SUSD5: variants seen among roughly 807,000 people sequenced by gnomAD.
The protein encoded by SUSD5 is sushi domain-containing protein 5.
In SUSD5, 33 loss-of-function variants were observed where a neutral mutation model predicts 29.5. That is an observed-to-expected ratio of 1.12 (90% CI 0.85 to 1.49). SUSD5 has a LOEUF of 1.49. Ranked by LOEUF, SUSD5 falls within the 40% of genes most tolerant of loss-of-function variation. SUSD5 has a pLI of 0.00. For synonymous variants in SUSD5, 308 were observed against 325.3 expected, an observed-to-expected ratio of 0.95 and a Z score of 0.57; for missense variants, 776 against 800.6, an observed-to-expected ratio of 0.97 and a Z score of 0.37.
intron 3 of SUSD5, among the ~76,000 whole-genome samples, chr3:33,196,159 T>C (rs2031992086): frequency 6.6e-6 from 1 of 152,146 alleles, no homozygotes; most frequent in Admixed American, 6.5e-5. Flanking sequence ...GAATACCCAT[T>C]GTCCTTAAAC....
At chr3:33,177,342 A>T (rs2031573521) in intron 3 of SUSD5, among the ~76,000 whole-genome samples, 1 of 152,220 alleles carries the variant, frequency 6.6e-6, no homozygotes, top group Admixed American at 6.5e-5. Context: ...CAATCCATGA[A>T]CATAGACTAT....
At position 33,204,467 on chromosome 3, in the gene SUSD5, C is replaced by G. The variant is rs1346990206; in HGVS notation, c.409+3341G>C. On this transcript the variant is annotated intron_variant, in intron 3 of 4. Coordinates refer to ENST00000309558, the MANE Select transcript of SUSD5 (RefSeq NM_015551.2). The surrounding 1 kb of genome is among the most constrained non-coding windows in gnomAD (Gnocchi z 4.5). The stretch of plus-strand genomic sequence containing the variant: ...TCCCGAGCAGCTGGGACGACAGGTG[C>G]CCACTACCACACCCGGCTAATTTTT... Among the ~76,000 whole-genome samples, 1 of 151,648 alleles carries G rather than the reference C, an allele frequency of 6.6e-6. No individual in the cohort carries two copies. The highest frequency in any genetic ancestry group is 1.5e-5 in the Non-Finnish European group (1 of 67,930).
intron 3 of SUSD5, among the ~76,000 whole-genome samples, chr3:33,207,036 G>A (rs567588260): frequency 5.1e-4 from 78 of 151,964 alleles, no homozygotes; most frequent in Non-Finnish European, 6.6e-4. Context: ...ACAACCGTAT[G>A]TGTTTCTGAT....
chr3:33,200,200 A>G (rs752578263), intron 3 of SUSD5, among the ~76,000 whole-genome samples: 3 of 152,220 alleles, frequency 2.0e-5, no homozygotes, highest in Admixed American at 1.3e-4. Flanking sequence ...GAAGACAGTT[A>G]TCTGTGAATT....
At chr3:33,190,165 T>C (rs2031862787) in intron 3 of SUSD5, 1 of 153,206 alleles carries the variant, frequency 6.5e-6, no homozygotes, top group Non-Finnish European at 1.5e-5. Context: ...ATTCATTAAA[T>C]TATGGTACAC....
At chr3:33,179,454 C>T (rs1388124332) in intron 3 of SUSD5, among the ~76,000 whole-genome samples, 1 of 152,008 alleles carries the variant, frequency 6.6e-6, no homozygotes, top group Non-Finnish European at 1.5e-5. Flanking sequence ...AAGGGGGAAA[C>T]CCAGCAAGGT....
intron 4 of SUSD5, among the ~76,000 whole-genome samples, chr3:33,168,977 C>T (rs1353791191): frequency 6.6e-6 from 1 of 151,976 alleles, no homozygotes; most frequent in Non-Finnish European, 1.5e-5. Flanking sequence ...AACCCCGGCT[C>T]TGCTTCTTTC....
At position 33,153,336 on chromosome 3, in the gene SUSD5, G is replaced by C. The variant is rs752085727; in HGVS notation, c.1296C>G (p.Thr432=). 1.9e-6 allele frequency: 3 copies of C among 1,613,876 alleles called. No homozygotes were observed. The highest frequency in any genetic ancestry group is 2.5e-6 in the Non-Finnish European group (3 of 1,179,850). ...TTTGAGATGGAAGAACTGAACTATG[G>C]GTCATGCCCTCGCTTGGTGTGAGGG... is the stretch of plus-strand genomic sequence containing the variant. ...SSTLTPSEGM[T]HSSVLPSQML... Residue 432 remains threonine, a synonymous_variant, in exon 5 of 5, where the codon ACC becomes ACG. Coordinates refer to ENST00000309558, the MANE Select transcript of SUSD5 (RefSeq NM_015551.2).
chr3:33,157,982 C>T (rs2031091744), intron 4 of SUSD5, among the ~76,000 whole-genome samples: 1 of 148,762 alleles, frequency 6.7e-6, no homozygotes. Context: ...CAATGAGCTG[C>T]TTGGGGAGCA....
intron 3 of SUSD5, among the ~76,000 whole-genome samples, chr3:33,175,932 A>G (rs529120973): frequency 2.0e-5 from 3 of 152,310 alleles, no homozygotes; most frequent in Non-Finnish European, 4.4e-5. Flanking sequence ...ATGCACAGTG[A>G]CACATATCTA....
intron 4 of SUSD5, among the ~76,000 whole-genome samples, chr3:33,168,063 C>T (rs922271485): frequency 6.6e-6 from 1 of 152,218 alleles, no homozygotes; most frequent in African/African-American, 2.4e-5. Flanking sequence ...CACAGAAAGT[C>T]ATACGTCAGG....
chr3:33,195,744 G>GAAA (rs372643596), intron 3 of SUSD5, among the ~76,000 whole-genome samples: 2,160 of 139,410 alleles, frequency 0.015, 42 homozygotes, highest in South Asian at 0.072. Flanking sequence ...CCATATAAAT[G>GAAA]AAAAAAAAAA....
chr3:33,175,174 C>T (rs1222113317), intron 3 of SUSD5, 100 bp from the exon 4 acceptor site: 10 of 1,291,700 alleles, frequency 7.7e-6, no homozygotes, highest in African/African-American at 2.9e-5. Flanking sequence ...TGCCGCCCAC[C>T]GTACCCTCAA....
chr3:33,204,627 ATTTTGTTTTGTTTTGTTTTG>A lies in SUSD5; in HGVS notation c.409+3161_409+3180del, dbSNP rs72112093. ...TGAGCCACCACACCCGGCCTGTTTT[ATTTTGTTTTGTTTTGTTTTG>A]TTTTGTTTTGTTTTGTTTTTGAGAC... On this transcript the variant is annotated intron_variant, in intron 3 of 4. Transcript: ENST00000309558. This position sits in a 1 kb window ranked among gnomAD's most constrained non-coding sequence, Gnocchi z 4.5. Among the ~76,000 whole-genome samples the A allele has an allele frequency of 4.8e-4, 71 of 147,950 alleles. No individual in the cohort carries two copies. The highest frequency in any genetic ancestry group is 1.6e-3 in the African/African-American group (65 of 39,838).
Position 33,152,578 on chromosome 3 carries a change from C to A in SUSD5, c.*164G>T. 1 of 717,930 alleles carries A rather than the reference C, an allele frequency of 1.4e-6. No homozygotes were observed. The highest frequency in any genetic ancestry group is 2.3e-6 in the Non-Finnish European group (1 of 442,854). 44.5% of individuals were successfully genotyped at this position (717,930 alleles called of 1,614,324 possible). On this transcript the variant is annotated 3_prime_UTR_variant, in exon 5 of 5. Coordinates refer to ENST00000309558, the MANE Select transcript of SUSD5 (RefSeq NM_015551.2). ...TGATGATGTCACCAAAGCCTCCCTGCCCTCCCAGGTGCTCCAGAGACACTT... is the reference window on the plus strand; with the variant it reads ...TGATGATGTCACCAAAGCCTCCCTGACCTCCCAGGTGCTCCAGAGACACTT...
chr3:33,218,655 C>T (rs1408341882), intron 1 of SUSD5, 31 bp downstream of exon 1: 8 of 1,262,308 alleles, frequency 6.3e-6, no homozygotes, highest in Middle Eastern at 6.1e-4. Flanking sequence ...CCACGCTCCA[C>T]CCCCCGCCCC....
At chr3:33,182,978 G>A (rs1385857985) in intron 3 of SUSD5, among the ~76,000 whole-genome samples, 1 of 148,732 alleles carries the variant, frequency 6.7e-6, no homozygotes, top group Non-Finnish European at 1.5e-5. Context: ...TTTTTTTTTA[G>A]TAGAGACAGG....
At chr3:33,155,867 T>C (rs1006178275) in intron 4 of SUSD5, among the ~76,000 whole-genome samples, 9 of 152,250 alleles carry the variant, frequency 5.9e-5, no homozygotes, top group Non-Finnish European at 1.0e-4. Context: ...GTAGTTACAC[T>C]TGGGTAGGAG....
chr3:33,156,122 C>A (rs1259417832), intron 4 of SUSD5, among the ~76,000 whole-genome samples: 1 of 151,578 alleles, frequency 6.6e-6, no homozygotes, highest in Non-Finnish European at 1.5e-5. Flanking sequence ...CTCACTGCAA[C>A]CTCCGCCTCC....
Sources: gnomAD v4.1 joint callset for allele counts (sites outside exome capture counted in the v4.1 genomes callset) on GRCh38, gnomAD v4.1.1 for gene constraint, Gnocchi (gnomAD v3.1) non-coding constraint, MANE v1.5 for transcripts, NCBI Gene and HGNC (gene_info 2026-07-23, HGNC 2026-07-21) for gene names.